Variants in DNAH6 observed in about 807,000 individuals in gnomAD.
DNAH6 encodes the protein axonemal beta dynein heavy chain 6.
A neutral mutation model predicts 491.4 loss-of-function variants in DNAH6; 340 were observed. The ratio of observed to expected loss-of-function variants is 0.69; its 90% CI spans 0.63 to 0.76. The LOEUF (loss-of-function observed/expected upper bound fraction) is 0.76, where lower values mean the gene tolerates loss of function less well. Ranked by LOEUF, DNAH6 falls within the 30% of genes least tolerant of loss-of-function variation. The pLI, the probability that DNAH6 is intolerant of heterozygous loss-of-function variation, is 0.00. For missense variants in DNAH6, 4,443 were observed against 4,972.2 expected, an observed-to-expected ratio of 0.89 and a Z score of 3.20; for synonymous variants, 1,603 against 1,686.1, an observed-to-expected ratio of 0.95 and a Z score of 1.21.
At chr2:84,742,660 G>A (rs1418697835) in intron 62 of DNAH6, among the ~76,000 whole-genome samples, 1 of 151,866 alleles carries the variant, frequency 6.6e-6, no homozygotes, top group Non-Finnish European at 1.5e-5. Flanking sequence ...CTTTTTCTTT[G>A]CTTCCTTTTT....
Position 84,588,886 on chromosome 2 carries a change from C to G in DNAH6, c.2542C>G (p.Leu848Val), listed in dbSNP as rs1683823498. The G allele has an allele frequency of 1.9e-6, 3 of 1,550,480 alleles. No individual in the cohort carries two copies. The highest frequency in any genetic ancestry group is 2.5e-5 in the East Asian group (1 of 40,784). Residue 848 changes from leucine to valine, a missense_variant, in exon 16 of 77, where the codon CTG (leucine) becomes GTG (valine). Physicochemically the swap from Leu to Val is conservative, Grantham distance 32. Coordinates refer to ENST00000389394, the MANE Select transcript of DNAH6 (RefSeq NM_001370.2). The part of the protein sequence containing the change: ...QDKIRLILNN[L>V]QSVLADLQKR... Reference sequence around the variant, plus strand: ...CAAAATAAGGCTCATATTGAATAATCTGCAATCTGTTCTGGCTGATCTTCA... The same window carrying G: ...CAAAATAAGGCTCATATTGAATAATGTGCAATCTGTTCTGGCTGATCTTCA...
In DNAH6 at chr2:84,590,697, C is replaced by G. The variant is rs182790045; in HGVS notation, c.2610+1743C>G. Among the ~76,000 whole-genome samples the G allele has an allele frequency of 3.3e-5, 5 of 152,222 alleles. No homozygotes were observed. The East Asian group carries it at 9.7e-4, about 29-fold the overall frequency. Reference sequence around the variant, plus strand: ...AGGCAAGTTGACAGTCTCTTGCACCCTGGGCAAGTATAAAATCAGCTGATG... The same window carrying G: ...AGGCAAGTTGACAGTCTCTTGCACCGTGGGCAAGTATAAAATCAGCTGATG... On this transcript the variant is annotated intron_variant, in intron 16 of 76. Transcript: ENST00000389394.
intron 64 of DNAH6, among the ~76,000 whole-genome samples, chr2:84,766,330 A>G (rs1675069904): frequency 6.6e-6 from 1 of 152,228 alleles, no homozygotes; most frequent in Non-Finnish European, 1.5e-5. Flanking sequence ...AAGAAGACAG[A>G]TATTTTCTCT....
At chr2:84,760,811 T>C (rs1674505140) in intron 63 of DNAH6, among the ~76,000 whole-genome samples, 1 of 152,096 alleles carries the variant, frequency 6.6e-6, no homozygotes, top group South Asian at 2.1e-4. Flanking sequence ...AGTGGCACAA[T>C]CACAGCTCAC....
chr2:84,685,381 C>G lies in DNAH6; in HGVS notation c.6972C>G (p.Leu2324=), dbSNP rs1386720346. The change falls in exon 43 of 77, where the codon CTC becomes CTG. Residue 2324 remains leucine (L), a synonymous_variant. Transcript: ENST00000389394. The part of the protein sequence containing the change: ...TIREEIQIFR[L]FCHECQRVFH... ...GAGAAGAAATTCAGATATTTAGACT[C>G]TTTTGCCATGAGTGCCAAAGGGTCT... 2 of 1,529,230 alleles carry G rather than the reference C, an allele frequency of 1.3e-6. No individual in the cohort carries two copies. Among genetic ancestry groups the G allele is most frequent in the African/African-American group, 2.7e-5 (2 of 72,750 alleles). The allele number at this position is 1,529,230 out of a possible 1,614,324, so 94.7% of individuals were successfully genotyped here.
chr2:84,710,866 A>G (rs181142880), intron 56 of DNAH6, among the ~76,000 whole-genome samples: 1 of 151,138 alleles, frequency 6.6e-6, no homozygotes, highest in East Asian at 1.9e-4. Context: ...AAAAAAAAAG[A>G]AGAAGAGGAA....
chr2:84,734,525 CTT>C (rs963697552), intron 62 of DNAH6, among the ~76,000 whole-genome samples: 4 of 152,094 alleles, frequency 2.6e-5, no homozygotes, highest in African/African-American at 9.7e-5. Flanking sequence ...GAAATTGACT[CTT>C]TGGAATTATA....
At chr2:84,707,389 T>G in intron 53 of DNAH6, 131 bp from the exon 54 acceptor site, 1 of 927,314 alleles carries the variant, frequency 1.1e-6, no homozygotes, top group Non-Finnish European at 1.6e-6. Context: ...TGGTGTAAGG[T>G]TTCATAGAGA....
In DNAH6 at chr2:84,601,011, ATAT is replaced by A. The variant is rs1157281044; in HGVS notation, c.2869-3324_2869-3322del. Among the ~76,000 whole-genome samples the A allele has an allele frequency of 8.1e-5, 12 of 147,506 alleles. 1 individual carries two copies. Among genetic ancestry groups the A allele is most frequent in the Non-Finnish European group, 1.3e-4 (9 of 67,040 alleles). ...ATAATAATAATAATATACTATAATA[ATAT>A]TATAATAATAATGTTATTATTATAC... On this transcript the variant is annotated intron_variant, in intron 18 of 76. Coordinates refer to ENST00000389394, the MANE Select transcript of DNAH6 (RefSeq NM_001370.2).
chr2:84,495,325 G>A, the DNAH6 span, among the ~76,000 whole-genome samples: 1 of 152,110 alleles, frequency 6.6e-6, no homozygotes, highest in Non-Finnish European at 1.5e-5. Flanking sequence ...ACCATGCCCT[G>A]CTAATTTTTG....
chr2:84,742,279 A>T (rs1043487844), intron 62 of DNAH6, among the ~76,000 whole-genome samples: 2 of 152,070 alleles, frequency 1.3e-5, no homozygotes, highest in Non-Finnish European at 2.9e-5. Flanking sequence ...GTGTGTCATC[A>T]TTATGTTTTT....
intron 16 of DNAH6, among the ~76,000 whole-genome samples, chr2:84,591,542 C>T (rs1420675794): frequency 6.6e-6 from 1 of 152,086 alleles, no homozygotes; most frequent in Non-Finnish European, 1.5e-5. Flanking sequence ...CCCAAAGTGA[C>T]TTATACATTC....
chr2:84,643,903 T>TTTTTG (rs1689648012), intron 33 of DNAH6, among the ~76,000 whole-genome samples: 7 of 152,122 alleles, frequency 4.6e-5, no homozygotes, highest in Admixed American at 4.6e-4. Context: ...ATTGTGTTTT[T>TTTTTG]TTTTGTTTTA....
Position 84,595,425 on chromosome 2 carries a change from G to A in DNAH6, c.2725-221G>A, listed in dbSNP as rs12466574. On this transcript the variant is annotated intron_variant, in intron 17 of 76. Coordinates refer to ENST00000389394, the MANE Select transcript of DNAH6 (RefSeq NM_001370.2). ...ATATTGACCCTCAGAAATAAATTAC[G>A]GAGATTCCAGTACTACATTTGATGA... Among the ~76,000 whole-genome samples, 35,925 of 151,914 alleles carry A rather than the reference G, an allele frequency of 0.24. 5,314 individuals carry two copies. Among genetic ancestry groups the A allele is most frequent in the Non-Finnish European group, 0.33 (22,170 of 67,918 alleles).
At chr2:84,721,711 T>C (rs1429084546) in intron 59 of DNAH6, among the ~76,000 whole-genome samples, 1 of 152,244 alleles carries the variant, frequency 6.6e-6, no homozygotes, top group Non-Finnish European at 1.5e-5. Flanking sequence ...TGTATGATTA[T>C]TTATGTGGCT....
intron 61 of DNAH6, among the ~76,000 whole-genome samples, chr2:84,732,490 T>C (rs1487671569): frequency 6.6e-6 from 1 of 152,228 alleles, no homozygotes; most frequent in East Asian, 1.9e-4. Flanking sequence ...ACAACATGGA[T>C]GAACCTTGAA....
chr2:84,568,818 T>G (rs2103900188), intron 11 of DNAH6, among the ~76,000 whole-genome samples: 1 of 152,304 alleles, frequency 6.6e-6, no homozygotes, highest in South Asian at 2.1e-4. Context: ...AGTCTACTCA[T>G]AAGATAAATG....
chr2:84,525,880 C>G (rs1676563749), intron 3 of DNAH6, 142 bp downstream of exon 3: 5 of 670,446 alleles, frequency 7.5e-6, no homozygotes, highest in Admixed American at 6.4e-5. Context: ...TATAACATTT[C>G]TTCATCCTAT....
intron 48 of DNAH6, among the ~76,000 whole-genome samples, chr2:84,700,147 A>G (rs1241869807): frequency 1.3e-5 from 2 of 152,206 alleles, no homozygotes; most frequent in Non-Finnish European, 2.9e-5. Context: ...CACAAGCGGC[A>G]TGCATGTGTG....
Sources: allele counts gnomAD v4.1 joint callset (sites outside exome capture counted in the v4.1 genomes callset), GRCh38; gene constraint gnomAD v4.1.1; transcripts MANE v1.5; gene names NCBI Gene and HGNC (gene_info 2026-07-23, HGNC 2026-07-21).